The following SCAMP1 variants were observed in gnomAD, a reference collection of about 807,000 sequenced individuals.
SCAMP1 encodes secretory carrier-associated membrane protein 1.
In SCAMP1, 15 loss-of-function variants were observed where a neutral mutation model predicts 41.8. That is an observed-to-expected ratio of 0.36 (90% confidence interval 0.24 to 0.55). The LOEUF is 0.55. SCAMP1 is among the 20% of genes least tolerant of loss of function. SCAMP1 has a pLI of 0.86. For missense variants in SCAMP1, 341 were observed against 412.6 expected, an observed-to-expected ratio of 0.83 and a Z score of 1.50; for synonymous variants, 135 against 136.8, an observed-to-expected ratio of 0.99 and a Z score of 0.09.
At chr5:78,394,338 T>TTA (rs991836299) in intron 2 of SCAMP1, among the ~76,000 whole-genome samples, 55 of 151,854 alleles carry the variant, frequency 3.6e-4, no homozygotes, top group African/African-American at 1.2e-3. Context: ...AATCTTTTTT[T>TTA]TATATATATA....
At chr5:78,407,476 CT>C (rs36069710) in intron 2 of SCAMP1, among the ~76,000 whole-genome samples, 54,108 of 149,862 alleles carry the variant, frequency 0.36, 11,767 homozygotes, top group Non-Finnish European at 0.49. Context: ...GGGAATTATC[CT>C]TTTTTTTTTC....
intron 1 of SCAMP1, 98 bp from the exon 2 acceptor site, chr5:78,388,739 A>G (rs770694316): frequency 4.4e-5 from 25 of 566,666 alleles, no homozygotes; most frequent in Non-Finnish European, 6.8e-5. Flanking sequence ...GCCTTGCTGC[A>G]TGACCACAAG....
intron 1 of SCAMP1, among the ~76,000 whole-genome samples, chr5:78,368,832 T>C (rs1750863566): frequency 6.6e-6 from 1 of 152,088 alleles, no homozygotes; most frequent in Non-Finnish European, 1.5e-5. Flanking sequence ...AAACTTGTTA[T>C]TTGTTGCTTT....
intron 1 of SCAMP1, among the ~76,000 whole-genome samples, chr5:78,386,397 AT>A (rs1017791506): frequency 4.6e-5 from 7 of 152,104 alleles, no homozygotes; most frequent in African/African-American, 1.7e-4. Context: ...GTAAATTCTT[AT>A]CCATTCTGCC....
intron 2 of SCAMP1, among the ~76,000 whole-genome samples, chr5:78,410,380 T>C (rs976057292): frequency 6.6e-6 from 1 of 152,072 alleles, no homozygotes; most frequent in Non-Finnish European, 1.5e-5. Context: ...TTCCCACTTA[T>C]GAGTGGGAAC....
chr5:78,402,456 C>T (rs1015121579), intron 2 of SCAMP1, among the ~76,000 whole-genome samples: 1 of 152,044 alleles, frequency 6.6e-6, no homozygotes, highest in Non-Finnish European at 1.5e-5. Flanking sequence ...ATCTGTTTCT[C>T]CTTGCAGTTC....
At chr5:78,475,186 G>A (rs1753975977) in intron 8 of SCAMP1, among the ~76,000 whole-genome samples, 1 of 152,080 alleles carries the variant, frequency 6.6e-6, no homozygotes, top group Non-Finnish European at 1.5e-5. Flanking sequence ...CCATTTCATT[G>A]TAATGCTGTA....
rs1754112360 is a variant in SCAMP1, at chr5:78,480,347, G to A, written c.*4679G>A. Among the ~76,000 whole-genome samples the A allele has an allele frequency of 6.6e-6, 1 of 152,134 alleles. No individual in the cohort carries two copies. The highest frequency in any genetic ancestry group is 1.5e-5 in the Non-Finnish European group (1 of 68,022). On this transcript the variant is annotated 3_prime_UTR_variant, in exon 9 of 9. Transcript: ENST00000621999. ...TACATTAAAACAGTTCTAGTTTGTA[G>A]AATAATACCATACAAGTTTTATTTT...
chr5:78,402,195 T>C (rs973377021), intron 2 of SCAMP1, among the ~76,000 whole-genome samples: 2 of 150,528 alleles, frequency 1.3e-5, no homozygotes, highest in Non-Finnish European at 2.9e-5. Flanking sequence ...ATACTATATT[T>C]GTTTTTTTTT....
At chr5:78,404,311 CTAATTTTTTT>C (rs1462169832) in intron 2 of SCAMP1, among the ~76,000 whole-genome samples, 2 of 151,894 alleles carry the variant, frequency 1.3e-5, no homozygotes, top group East Asian at 3.9e-4. Flanking sequence ...GCCACCAAGG[CTAATTTTTTT>C]ATTTTTTTAG....
At chr5:78,369,246 A>G (rs1054802126) in intron 1 of SCAMP1, among the ~76,000 whole-genome samples, 5 of 152,120 alleles carry the variant, frequency 3.3e-5, no homozygotes, top group African/African-American at 7.2e-5. Context: ...AGCTGGGACT[A>G]TAGGCGTGCA....
chr5:78,437,474 G>T (rs996474406), intron 6 of SCAMP1, among the ~76,000 whole-genome samples: 3 of 152,200 alleles, frequency 2.0e-5, no homozygotes, highest in Admixed American at 1.3e-4. Context: ...AGATAATCAT[G>T]TGGTTTTTGT....
chr5:78,429,066 A>G (rs181496386), intron 6 of SCAMP1, among the ~76,000 whole-genome samples: 1 of 152,196 alleles, frequency 6.6e-6, no homozygotes, highest in Admixed American at 6.5e-5. Flanking sequence ...ATATATTATG[A>G]TAATGTCTTC....
chr5:78,390,349 C>G (rs1751454287), intron 2 of SCAMP1, among the ~76,000 whole-genome samples: 1 of 152,132 alleles, frequency 6.6e-6, no homozygotes, highest in Non-Finnish European at 1.5e-5. Flanking sequence ...CAAATTAATT[C>G]CAGGTTGGGA....
chr5:78,450,494 C>T (rs140143429), intron 7 of SCAMP1, among the ~76,000 whole-genome samples: 123 of 152,266 alleles, frequency 8.1e-4, no homozygotes, highest in Admixed American at 1.7e-3. Flanking sequence ...ACTGCACACA[C>T]GTTATATACA....
rs752605913 is a variant in SCAMP1 at position 78,450,010 on chromosome 5, C to T, written c.710C>T (p.Ala237Val). The change falls in exon 7 of 9, where the codon GCA (alanine) becomes GTA (valine). Residue 237 changes from alanine to valine, a missense_variant. Physicochemically the swap from Ala to Val is moderately conservative, Grantham distance 64 (BLOSUM62 0). Coordinates refer to ENST00000621999, the MANE Select transcript of SCAMP1 (RefSeq NM_004866.6). The stretch of plus-strand genomic sequence containing the variant: ...TTTGCTGTACATGTACTCCAAGCTG[C>T]AGGATTTCATAACTGGGGCAATTGG... ...CQFAVHVLQAAGFHNWGNCGW... is the reference protein window; with the variant it reads ...CQFAVHVLQAVGFHNWGNCGW... The T allele has an allele frequency of 1.3e-6, 2 of 1,569,018 alleles. No individual in the cohort carries two copies. Among genetic ancestry groups the T allele is most frequent in the South Asian group, 1.2e-5 (1 of 81,946 alleles).
chr5:78,421,525 G>A (rs1752339248), intron 5 of SCAMP1, among the ~76,000 whole-genome samples: 1 of 152,134 alleles, frequency 6.6e-6, no homozygotes, highest in African/African-American at 2.4e-5. Context: ...TTAAGGTAGT[G>A]CGCCTCTGGT....
chr5:78,474,807 G>A (rs1753967252), intron 8 of SCAMP1, among the ~76,000 whole-genome samples: 1 of 152,112 alleles, frequency 6.6e-6, no homozygotes, highest in Non-Finnish European at 1.5e-5. Flanking sequence ...TGTATTGATG[G>A]ACTCATAGTT....
chr5:78,393,012 T>G (rs1341378146), intron 2 of SCAMP1, among the ~76,000 whole-genome samples: 1 of 152,228 alleles, frequency 6.6e-6, no homozygotes, highest in African/African-American at 2.4e-5. Flanking sequence ...AAGGAAGATC[T>G]TCTAGCAGAA....
Sources: allele counts gnomAD v4.1 joint callset (sites outside exome capture counted in the v4.1 genomes callset), GRCh38; gene constraint gnomAD v4.1.1; transcripts MANE v1.5; gene names NCBI Gene and HGNC (gene_info 2026-07-23, HGNC 2026-07-21).